CADM2: variants seen among roughly 807,000 people sequenced by gnomAD.
CADM2 encodes cell adhesion molecule 2, also known as immunoglobulin superfamily member 4D.
In CADM2, 12 loss-of-function variants were observed where a neutral mutation model predicts 49.8. That is an observed-to-expected ratio of 0.24 (90% CI 0.15 to 0.39). The LOEUF (loss-of-function observed/expected upper bound fraction) is 0.39, where lower values mean the gene tolerates loss of function less well. CADM2 is among the 10% of genes least tolerant of loss of function. CADM2 has a pLI of 1.00. For missense variants in CADM2, 378 were observed against 492.3 expected (o/e 0.77, Z 2.20); for synonymous variants, 214 against 175.4 (o/e 1.22, Z -1.74).
chr3:85,102,022 C>A (rs566158746), intron 1 of CADM2, among the ~76,000 whole-genome samples: 24 of 152,192 alleles, frequency 1.6e-4, no homozygotes, highest in African/African-American at 5.8e-4. Context: ...AAGCTATATT[C>A]TCACTCAGAA....
intron 1 of CADM2, among the ~76,000 whole-genome samples, chr3:85,264,395 A>T (rs2043076755): frequency 6.6e-6 from 1 of 152,150 alleles, no homozygotes; most frequent in South Asian, 2.1e-4. Context: ...GCCACATAAT[A>T]GATAAAATGC....
At position 85,261,228 on chromosome 3, in the gene CADM2, C is replaced by T. The variant is rs2043008551; in HGVS notation, c.61+301560C>T. On this transcript the variant is annotated intron_variant, in intron 1 of 9. Coordinates refer to ENST00000383699, the MANE Select transcript of CADM2 (RefSeq NM_001167675.2). ...CTTGGCTCATTGCAACCTCTGCCGCCTGGGTTCAAGGATTCTCCTGCCTCA... is the reference window on the plus strand; with the variant it reads ...CTTGGCTCATTGCAACCTCTGCCGCTTGGGTTCAAGGATTCTCCTGCCTCA... Among the ~76,000 whole-genome samples the T allele has an allele frequency of 2.0e-5, 3 of 152,248 alleles. No homozygotes were observed. In the South Asian group the frequency reaches 6.2e-4, roughly 32 times the overall value.
In CADM2 at chr3:85,024,929, GTTAAGGCGTCAATATGT is replaced by G. The variant is rs2034663031; in HGVS notation, c.61+65264_61+65280del. 2.0e-5 allele frequency among the ~76,000 whole-genome samples: 3 copies of G among 151,870 alleles called. No individual in the cohort carries two copies. In the South Asian group the frequency reaches 6.2e-4, roughly 32 times the overall value. ...ACAAAATATAAAATCCTGTGATTGT[GTTAAGGCGTCAATATGT>G]TTTAGTTTAAATTTTCTTTTTCTGT... On this transcript the variant is annotated intron_variant, in intron 1 of 9. Transcript: ENST00000383699.
At chr3:85,751,131 G>A (rs77671760) in intron 2 of CADM2, among the ~76,000 whole-genome samples, 1,964 of 152,138 alleles carry the variant, frequency 0.013, 37 homozygotes, top group African/African-American at 0.044. Context: ...GAAGAAACCC[G>A]AGAGGTGAGG....
At chr3:86,049,277 T>C (rs1559824836) in intron 8 of CADM2, among the ~76,000 whole-genome samples, 2 of 148,404 alleles carry the variant, frequency 1.3e-5, no homozygotes, top group African/African-American at 5.0e-5. Context: ...TATTTTTATT[T>C]TTTATTTTTT....
chr3:85,020,224 A>G (rs1422547818), intron 1 of CADM2, among the ~76,000 whole-genome samples: 1 of 152,300 alleles, frequency 6.6e-6, no homozygotes, highest in East Asian at 1.9e-4. Flanking sequence ...TCAATGAAAA[A>G]CATTCTGAAT....
At chr3:85,058,533 C>A (rs1160246152) in intron 1 of CADM2, among the ~76,000 whole-genome samples, 1 of 152,128 alleles carries the variant, frequency 6.6e-6, no homozygotes, top group Non-Finnish European at 1.5e-5. Context: ...CACCCTCTGT[C>A]TCCTGGGTTG....
At chr3:86,005,503 A>T (rs1196890564) in intron 8 of CADM2, among the ~76,000 whole-genome samples, 1 of 150,916 alleles carries the variant, frequency 6.6e-6, no homozygotes. Context: ...GTGAGCCGAG[A>T]TCACACCATT....
chr3:85,608,370 A>C (rs1440701970), intron 1 of CADM2, among the ~76,000 whole-genome samples: 1 of 152,100 alleles, frequency 6.6e-6, no homozygotes, highest in Non-Finnish European at 1.5e-5. Flanking sequence ...ATCAATTCTG[A>C]ATTTTTTTTA....
chr3:86,036,831 A>G (rs965238041), intron 8 of CADM2, among the ~76,000 whole-genome samples: 1 of 152,196 alleles, frequency 6.6e-6, no homozygotes, highest in African/African-American at 2.4e-5. Flanking sequence ...TGATGGTGGT[A>G]TGTGCCTGTT....
At chr3:85,768,758 TAGTATATATAC>T (rs2069819703) in intron 2 of CADM2, among the ~76,000 whole-genome samples, 1 of 138,188 alleles carries the variant, frequency 7.2e-6, no homozygotes, top group African/African-American at 2.7e-5. Context: ...TATACATATA[TAGTATATATAC>T]ACATATATAC....
intron 1 of CADM2, among the ~76,000 whole-genome samples, chr3:85,074,517 C>T (rs1305257941): frequency 6.6e-6 from 1 of 152,070 alleles, no homozygotes; most frequent in Non-Finnish European, 1.5e-5. Flanking sequence ...AACTTTTTAT[C>T]ACTTTATTTC....
chr3:85,026,524 G>A lies in CADM2; in HGVS notation c.61+66856G>A, dbSNP rs533353412. Among the ~76,000 whole-genome samples, 185 of 152,104 alleles carry A rather than the reference G, an allele frequency of 1.2e-3. 2 individuals are homozygous for A. Among genetic ancestry groups the A allele is most frequent in the African/African-American group, 4.1e-3 (169 of 41,512 alleles). ...TGAAACATTAAGATTAATCCTCCTT[G>A]TAGTTTTATATTTTGTCCAAATTGT... is the stretch of plus-strand genomic sequence containing the variant. On this transcript the variant is annotated intron_variant, in intron 1 of 9. Transcript: ENST00000383699.
In CADM2 at chr3:85,104,936, G is replaced by T. The variant is rs181318130; in HGVS notation, c.61+145268G>T. Among the ~76,000 whole-genome samples, 562 of 152,270 alleles carry T rather than the reference G, an allele frequency of 3.7e-3. 6 individuals carry two copies. The highest frequency in any genetic ancestry group is 0.013 in the African/African-American group (531 of 41,556). On this transcript the variant is annotated intron_variant, in intron 1 of 9. Coordinates refer to ENST00000383699, the MANE Select transcript of CADM2 (RefSeq NM_001167675.2). ...ATTGATTTTTGTATCCTGAGACTTTGCTGAAGTTTCTTATCAGCTTAAGGA... is the reference window on the plus strand; with the variant it reads ...ATTGATTTTTGTATCCTGAGACTTTTCTGAAGTTTCTTATCAGCTTAAGGA...
intron 1 of CADM2, among the ~76,000 whole-genome samples, chr3:85,000,751 G>A (rs1249657671): frequency 1.3e-5 from 2 of 151,702 alleles, no homozygotes; most frequent in African/African-American, 4.8e-5. Flanking sequence ...ATTTTTGTAT[G>A]TATGTGTTCG....
intron 7 of CADM2, among the ~76,000 whole-genome samples, chr3:85,942,406 A>C (rs62261758): frequency 2.0e-5 from 3 of 151,670 alleles, no homozygotes; most frequent in Non-Finnish European, 2.9e-5. Flanking sequence ...CATATATATA[A>C]ATGTGCCATG....
At chr3:85,965,070 A>T (rs1725303074) in intron 8 of CADM2, among the ~76,000 whole-genome samples, 1 of 151,506 alleles carries the variant, frequency 6.6e-6, no homozygotes, top group Admixed American at 6.6e-5. Flanking sequence ...AGGAGCAAAG[A>T]TAAATAACAA....
At chr3:85,401,777 G>A (rs1384729239) in intron 1 of CADM2, among the ~76,000 whole-genome samples, 3 of 151,678 alleles carry the variant, frequency 2.0e-5, no homozygotes, top group African/African-American at 7.3e-5. Flanking sequence ...TCCCACCCCC[G>A]CCAAAAGTAG....
intron 2 of CADM2, among the ~76,000 whole-genome samples, chr3:85,791,772 G>A (rs1220795216): frequency 6.6e-6 from 1 of 152,054 alleles, no homozygotes; most frequent in Non-Finnish European, 1.5e-5. Context: ...CACCCAGGCT[G>A]GAGTACAGTG....
Sources: gnomAD v4.1 joint callset for allele counts (sites outside exome capture counted in the v4.1 genomes callset) on GRCh38, gnomAD v4.1.1 for gene constraint, MANE v1.5 for transcripts, NCBI Gene and HGNC (gene_info 2026-07-23, HGNC 2026-07-21) for gene names.